Variants in TNFAIP8 observed in about 807,000 individuals in gnomAD.
The protein encoded by TNFAIP8 is TNF alpha induced protein 8, also known as tumor necrosis factor alpha-induced protein 8.
TNFAIP8 carries 7 observed loss-of-function variants against 13.3 expected under a neutral mutation model. The observed-to-expected ratio is 0.52, with a 90% CI of 0.30 to 0.99. TNFAIP8 has a LOEUF of 0.99. Ranked by LOEUF, TNFAIP8 falls within the 50% of genes least tolerant of loss-of-function variation. The pLI is 0.07. For missense variants in TNFAIP8, 258 were observed against 236.9 expected (o/e 1.09, Z -0.58); for synonymous variants, 94 against 87.6 (o/e 1.07, Z -0.41).
intron 1 of TNFAIP8, among the ~76,000 whole-genome samples, chr5:119,348,148 A>T (rs1750975863): frequency 1.3e-5 from 2 of 152,166 alleles, no homozygotes. Flanking sequence ...GAGGAGAAAG[A>T]TTATCACTGG....
At chr5:119,369,059 T>C (rs900675705) in intron 1 of TNFAIP8, among the ~76,000 whole-genome samples, 4 of 150,526 alleles carry the variant, frequency 2.7e-5, no homozygotes, top group South Asian at 2.1e-4. Flanking sequence ...TCTTTTCTTT[T>C]TTTTTTTTTT....
intron 1 of TNFAIP8, among the ~76,000 whole-genome samples, chr5:119,369,806 T>C (rs1417906333): frequency 6.6e-6 from 1 of 152,196 alleles, no homozygotes; most frequent in Non-Finnish European, 1.5e-5. Context: ...TTCGAGCCAG[T>C]GTGAGTGATA....
intron 1 of TNFAIP8, chr5:119,333,598 C>G: frequency 2.0e-6 from 3 of 1,535,542 alleles, no homozygotes; most frequent in Non-Finnish European, 1.7e-6. Context: ...AGTTGTCCTT[C>G]TGATTGCACA....
At chr5:119,322,519 G>A (rs1750091838) in intron 1 of TNFAIP8, among the ~76,000 whole-genome samples, 1 of 152,216 alleles carries the variant, frequency 6.6e-6, no homozygotes, top group Non-Finnish European at 1.5e-5. Context: ...AAGTTGAGCA[G>A]CCTCTGGCAT....
chr5:119,281,313 C>CTCTCTCTG (rs1449527551), intron 1 of TNFAIP8, among the ~76,000 whole-genome samples: 2 of 151,160 alleles, frequency 1.3e-5, no homozygotes, highest in East Asian at 3.9e-4. Context: ...CACACTCTCT[C>CTCTCTCTG]TCTCTCACAC....
rs1562006787 is a variant in TNFAIP8 at position 119,338,201 on chromosome 5, CACACACACA to C, written c.2-54614_2-54606del. The stretch of plus-strand genomic sequence containing the variant: ...ACACACACACACACACACACACACA[CACACACACA>C]CCTTCTCAGCACCTAGTCACACCCT... On this transcript the variant is annotated intron_variant, in intron 1 of 1. Transcript: ENST00000274456. 1.6e-3 allele frequency among the ~76,000 whole-genome samples: 245 copies of C among 150,014 alleles called. 2 individuals carry two copies. Among genetic ancestry groups the C allele is most frequent in the African/African-American group, 5.7e-3 (229 of 40,080 alleles).
At chr5:119,366,409 G>T (rs1751860114) in intron 1 of TNFAIP8, among the ~76,000 whole-genome samples, 1 of 152,188 alleles carries the variant, frequency 6.6e-6, no homozygotes, top group African/African-American at 2.4e-5. Context: ...ACAAGGATGT[G>T]ACATTGAGGA....
At chr5:119,307,670 TAC>T (rs1209753232) in intron 1 of TNFAIP8, among the ~76,000 whole-genome samples, 2 of 152,262 alleles carry the variant, frequency 1.3e-5, no homozygotes, top group Non-Finnish European at 2.9e-5. Context: ...CAGATAATAC[TAC>T]AGTCTTTTCC....
intron 1 of TNFAIP8, among the ~76,000 whole-genome samples, chr5:119,371,440 C>T (rs1232857183): frequency 1.3e-5 from 2 of 152,082 alleles, no homozygotes. Context: ...AGAAAAAGAC[C>T]TTCCTTTTTG....
At chr5:119,338,303 A>T (rs1357143020) in intron 1 of TNFAIP8, among the ~76,000 whole-genome samples, 1 of 152,034 alleles carries the variant, frequency 6.6e-6, no homozygotes, top group African/African-American at 2.4e-5. Context: ...ATATTCTCAC[A>T]TGGGGATTAT....
chr5:119,356,193 A>C (rs3797343), intron 1 of TNFAIP8, 72 bp downstream of exon 1: 385,933 of 1,384,402 alleles, frequency 0.28, 59,574 homozygotes, highest in African/African-American at 0.63. Flanking sequence ...GTGGTAGAAG[A>C]GGATGGGAGT....
intron 1 of TNFAIP8, among the ~76,000 whole-genome samples, chr5:119,291,844 C>T (rs779310477): frequency 3.4e-4 from 51 of 152,144 alleles, no homozygotes; most frequent in Non-Finnish European, 6.3e-4. Flanking sequence ...TTGCTTTTGT[C>T]TCTTGAAAAT....
rs113179589 is a variant in TNFAIP8 at position 119,280,511 on chromosome 5, T to C, written c.1+11604T>C. 2.8e-3 allele frequency among the ~76,000 whole-genome samples: 424 copies of C among 152,262 alleles called. 2 individuals carry two copies. The highest frequency in any genetic ancestry group is 9.7e-3 in the African/African-American group (404 of 41,552). ...CACGGTACAGTTTAACTTACTGCTTTTCCCTCTGTTTCCTGTATCTGGATC... is the reference window on the plus strand; with the variant it reads ...CACGGTACAGTTTAACTTACTGCTTCTCCCTCTGTTTCCTGTATCTGGATC... On this transcript the variant is annotated intron_variant, in intron 1 of 1. Coordinates refer to the TNFAIP8 transcript ENST00000274456.
chr5:119,385,386 CT>C (rs1380755764), intron 1 of TNFAIP8, among the ~76,000 whole-genome samples: 1 of 152,178 alleles, frequency 6.6e-6, no homozygotes, highest in Non-Finnish European at 1.5e-5. Flanking sequence ...GCCCCTGTGG[CT>C]TTTAACTGTG....
At chr5:119,350,952 T>TTGTGTGTGTGTG (rs35633858) in intron 1 of TNFAIP8, among the ~76,000 whole-genome samples, 30 of 144,794 alleles carry the variant, frequency 2.1e-4, no homozygotes, top group African/African-American at 6.7e-4. Flanking sequence ...CTATGTGTAT[T>TTGTGTGTGTGTG]TGTGTGTGTG....
exon 1 of TNFAIP8, chr5:119,268,803 A>G (rs1250807285): frequency 2.9e-6 from 2 of 696,534 alleles, no homozygotes; most frequent in African/African-American, 1.8e-5. Context: ...CGCTTGGCTA[A>G]GGTCCGCGGG....
chr5:119,300,519 G>C (rs1165934837), intron 1 of TNFAIP8, among the ~76,000 whole-genome samples: 4 of 152,140 alleles, frequency 2.6e-5, no homozygotes, highest in Non-Finnish European at 5.9e-5. Context: ...TTGCATTCCT[G>C]ACTCAGTCTA....
intron 1 of TNFAIP8, among the ~76,000 whole-genome samples, chr5:119,356,601 T>G (rs1751430713): frequency 6.6e-6 from 1 of 151,738 alleles, no homozygotes; most frequent in Non-Finnish European, 1.5e-5. Flanking sequence ...ATTTGAGAAA[T>G]AGATTAATTT....
rs1325016674 is a variant in TNFAIP8 at position 119,376,262 on chromosome 5, G to C, written c.32-16554G>C. ...CCTGAGTAGCTAGGATTACAGGCAT[G>C]TGCCACCACAGCTGGCTAATTTTTG... On this transcript the variant is annotated intron_variant, in intron 1 of 1. Coordinates refer to ENST00000504771, the MANE Select transcript of TNFAIP8 (RefSeq NM_014350.4). Among the ~76,000 whole-genome samples, 3 of 152,036 alleles carry C rather than the reference G, an allele frequency of 2.0e-5. No individual in the cohort carries two copies. The East Asian group carries it at 5.8e-4, about 30-fold the overall frequency.
Sources: gnomAD v4.1 joint callset for allele counts (sites outside exome capture counted in the v4.1 genomes callset) on GRCh38, gnomAD v4.1.1 for gene constraint, MANE v1.5 for transcripts, NCBI Gene and HGNC (gene_info 2026-07-23, HGNC 2026-07-21) for gene names.